Variants in OPCML observed in about 807,000 individuals in gnomAD.
OPCML encodes opioid binding protein/cell adhesion molecule like.
OPCML carries 13 observed loss-of-function variants against 37.8 expected under a neutral mutation model. The observed-to-expected ratio is 0.34, with a 90% CI of 0.22 to 0.55. The LOEUF is 0.55. Ranked by LOEUF, OPCML falls within the 20% of genes least tolerant of loss-of-function variation. The pLI is 0.91. For synonymous variants in OPCML, 176 were observed against 168.8 expected, an observed-to-expected ratio of 1.04 and a Z score of -0.33; for missense variants, 341 against 435.6, an observed-to-expected ratio of 0.78 and a Z score of 1.93.
chr11:133,349,570 C>CCT (rs1399622799), intron 1 of OPCML, among the ~76,000 whole-genome samples: 1 of 152,022 alleles, frequency 6.6e-6, no homozygotes, highest in African/African-American at 2.4e-5. Flanking sequence ...AATAGGAATC[C>CCT]CTTCTTCTTC....
chr11:133,494,750 T>A (rs1947745256), intron 1 of OPCML, among the ~76,000 whole-genome samples: 9 of 132,938 alleles, frequency 6.8e-5, no homozygotes, highest in Admixed American at 1.5e-4. Flanking sequence ...AGGGATAGCA[T>A]TGGGAGATAT....
At position 132,556,442 on chromosome 11, in the gene OPCML, T is replaced by C. The variant is rs566922395; in HGVS notation, c.380-27256A>G. On this transcript the variant is annotated intron_variant, in intron 3 of 7. Transcript: ENST00000524381. ...AAAATTTTAGAGCTACAAGAGACGT[T>C]AGAATTTGCCTCATGACACAACTTC... 2.6e-5 allele frequency among the ~76,000 whole-genome samples: 4 copies of C among 152,278 alleles called. No homozygotes were observed. The East Asian group carries it at 5.8e-4, about 22-fold the overall frequency.
intron 2 of OPCML, among the ~76,000 whole-genome samples, chr11:132,923,092 A>AAATAAATAAT (rs151184353): frequency 1.3e-5 from 2 of 148,604 alleles, no homozygotes; most frequent in African/African-American, 2.5e-5. Flanking sequence ...ATAAATAAAT[A>AAATAAATAAT]AATAATAATA....
chr11:133,430,593 CATAAA>C (rs1946096509), intron 1 of OPCML, among the ~76,000 whole-genome samples: 1 of 151,890 alleles, frequency 6.6e-6, no homozygotes, highest in Admixed American at 6.6e-5. Flanking sequence ...GCCAGGAAAC[CATAAA>C]ATAAAAGTCA....
intron 1 of OPCML, among the ~76,000 whole-genome samples, chr11:133,226,532 A>G (rs984434290): frequency 6.6e-6 from 1 of 152,214 alleles, no homozygotes; most frequent in African/African-American, 2.4e-5. Flanking sequence ...GACACTTCCT[A>G]AATGATGACC....
intron 2 of OPCML, among the ~76,000 whole-genome samples, chr11:132,941,042 TCAGATAA>T (rs1945560040): frequency 6.6e-6 from 1 of 152,090 alleles, no homozygotes; most frequent in Non-Finnish European, 1.5e-5. Flanking sequence ...CGCCATGCAA[TCAGATAA>T]CAGATAACAG....
At chr11:133,484,951 A>G (rs1210609148) in intron 1 of OPCML, among the ~76,000 whole-genome samples, 2 of 152,120 alleles carry the variant, frequency 1.3e-5, no homozygotes, top group East Asian at 1.9e-4. Context: ...TTCCTAAAGC[A>G]CATAAATCTT....
At chr11:132,826,854 G>A (rs1004311850) in intron 2 of OPCML, among the ~76,000 whole-genome samples, 4 of 152,142 alleles carry the variant, frequency 2.6e-5, no homozygotes, top group Admixed American at 6.5e-5. Context: ...TACACACAAA[G>A]AGTATTTATC....
chr11:132,778,204 G>A (rs1366533058), intron 2 of OPCML, among the ~76,000 whole-genome samples: 17 of 152,198 alleles, frequency 1.1e-4, no homozygotes, highest in Admixed American at 1.1e-3. Flanking sequence ...AGTGTTCTCT[G>A]TTGGTATCAA....
intron 2 of OPCML, among the ~76,000 whole-genome samples, chr11:132,939,550 C>G (rs1591828630): frequency 2.0e-5 from 3 of 152,174 alleles, no homozygotes; most frequent in Admixed American, 1.3e-4. Context: ...TTGAGTGGAA[C>G]AGTTACAACC....
chr11:132,508,007 G>A (rs983178675), intron 4 of OPCML, among the ~76,000 whole-genome samples: 3 of 151,996 alleles, frequency 2.0e-5, no homozygotes, highest in Non-Finnish European at 4.4e-5. Context: ...TATTGAAATG[G>A]GAAAAGGGGT....
At chr11:133,233,880 G>A (rs562962870) in intron 1 of OPCML, among the ~76,000 whole-genome samples, 7 of 152,240 alleles carry the variant, frequency 4.6e-5, no homozygotes, top group African/African-American at 7.2e-5. Flanking sequence ...AGAACTAGAA[G>A]GTCCATGGAG....
intron 1 of OPCML, among the ~76,000 whole-genome samples, chr11:133,400,228 C>T (rs985001737): frequency 6.6e-6 from 1 of 152,200 alleles, no homozygotes; most frequent in Non-Finnish European, 1.5e-5. Flanking sequence ...GTAGAATGTT[C>T]AAGTTGGACA....
intron 2 of OPCML, among the ~76,000 whole-genome samples, chr11:132,872,977 T>G (rs1472754281): frequency 6.6e-6 from 1 of 152,084 alleles, no homozygotes; most frequent in East Asian, 1.9e-4. Flanking sequence ...GCAATTAATA[T>G]ACACACATCT....
intron 1 of OPCML, among the ~76,000 whole-genome samples, chr11:133,456,336 G>A (rs529836358): frequency 6.6e-6 from 1 of 152,238 alleles, no homozygotes; most frequent in Non-Finnish European, 1.5e-5. Flanking sequence ...AAAGACCTCA[G>A]AATATCTTAA....
At chr11:132,653,668 A>G (rs1306959744) in intron 3 of OPCML, among the ~76,000 whole-genome samples, 47 of 152,182 alleles carry the variant, frequency 3.1e-4, no homozygotes, top group Non-Finnish European at 4.4e-5. Context: ...TATGTGGCAA[A>G]GGCTGCCTTC....
intron 2 of OPCML, among the ~76,000 whole-genome samples, chr11:132,889,736 T>C (rs1008077919): frequency 7.9e-5 from 12 of 152,202 alleles, no homozygotes; most frequent in Non-Finnish European, 1.5e-4. Flanking sequence ...GAAGAACTCA[T>C]TAGGATATCA....
At chr11:132,707,508 C>T (rs1944083082) in intron 2 of OPCML, among the ~76,000 whole-genome samples, 3 of 152,132 alleles carry the variant, frequency 2.0e-5, no homozygotes, top group Non-Finnish European at 4.4e-5. Flanking sequence ...ATGACATCTG[C>T]CCACTGACAA....
At chr11:132,465,064 A>G (rs1241635771) in intron 4 of OPCML, among the ~76,000 whole-genome samples, 2 of 152,350 alleles carry the variant, frequency 1.3e-5, no homozygotes, top group Non-Finnish European at 2.9e-5. Context: ...ATTCATGTCT[A>G]TATGGATCTG....
Sources: gnomAD v4.1 joint callset for allele counts (sites outside exome capture counted in the v4.1 genomes callset) on GRCh38, gnomAD v4.1.1 for gene constraint, MANE v1.5 for transcripts, NCBI Gene and HGNC (gene_info 2026-07-23, HGNC 2026-07-21) for gene names.